Variants in PCDHA4 observed in about 807,000 individuals in gnomAD.
The protein encoded by PCDHA4 is protocadherin alpha 4.
PCDHA4 carries 49 observed loss-of-function variants against 61.4 expected under a neutral mutation model. The observed-to-expected ratio is 0.80, with a 90% CI of 0.63 to 1.01. The LOEUF is 1.01. Among genes scored for constraint, PCDHA4 ranks in the 50% least tolerant of loss-of-function variants. The pLI, the probability that PCDHA4 is intolerant of heterozygous loss-of-function variation, is 0.00. For missense variants in PCDHA4, 1,254 were observed against 1,235.8 expected (o/e 1.01, Z -0.22); for synonymous variants, 590 against 550.3 (o/e 1.07, Z -1.01).
chr5:140,999,922 C>T (rs2097883458), intron 3 of PCDHA4, among the ~76,000 whole-genome samples: 1 of 152,154 alleles, frequency 6.6e-6, no homozygotes, highest in Non-Finnish European at 1.5e-5. Context: ...AATCTTCTTC[C>T]AGCTCAACTC....
At chr5:140,877,189 G>A in intron 1 of PCDHA4, 1 of 1,613,808 alleles carries the variant, frequency 6.2e-7, no homozygotes, top group Non-Finnish European at 8.5e-7. Flanking sequence ...GGCTGGCAGC[G>A]CAGGAGGCGC....
At chr5:140,870,285 C>G (rs1315531348) in intron 1 of PCDHA4, 1 of 1,614,108 alleles carries the variant, frequency 6.2e-7, no homozygotes, top group Non-Finnish European at 8.5e-7. Flanking sequence ...ACGTTCCCTT[C>G]AAGCTGGTGT....
At chr5:140,855,106 T>C (rs1554147619) in intron 1 of PCDHA4, among the ~76,000 whole-genome samples, 1 of 149,974 alleles carries the variant, frequency 6.7e-6, no homozygotes, top group Non-Finnish European at 1.5e-5. Flanking sequence ...GTAGCAATAA[T>C]TAAGGCATTC....
At chr5:140,852,822 T>C in intron 1 of PCDHA4, 1 of 971,316 alleles carries the variant, frequency 1.0e-6, no homozygotes, top group East Asian at 1.1e-4. Flanking sequence ...CCCTAAGTCC[T>C]CCAGTCTCCT....
intron 1 of PCDHA4, among the ~76,000 whole-genome samples, chr5:140,909,546 A>T (rs1322878685): frequency 6.6e-6 from 1 of 152,180 alleles, no homozygotes; most frequent in African/African-American, 2.4e-5. Flanking sequence ...TGATGGTGGC[A>T]CTAATCTCTG....
chr5:140,928,228 C>A (rs376517088), intron 1 of PCDHA4: 2 of 1,614,218 alleles, frequency 1.2e-6, no homozygotes, highest in Admixed American at 1.7e-5. Context: ...ACCAAACTTT[C>A]CTCAACCCCA....
chr5:140,807,807 A>C lies in PCDHA4; in HGVS notation c.620A>C (p.Glu207Ala), dbSNP rs1262793743. 1.9e-6 allele frequency: 3 copies of C among 1,614,166 alleles called. No individual in the cohort carries two copies. The East Asian group carries it at 6.7e-5, about 36-fold the overall frequency. ...TCTTTAGACAGAGAAGAAGCTCCGGAGATTTTTTTAGTGCTCACAGCCACT... is the reference window on the plus strand; with the variant it reads ...TCTTTAGACAGAGAAGAAGCTCCGGCGATTTTTTTAGTGCTCACAGCCACT... Reference protein sequence around the residue: ...RKSLDREEAPEIFLVLTATDG... With the variant: ...RKSLDREEAPAIFLVLTATDG... The change falls in exon 1 of 4, where the codon GAG (glutamate) becomes GCG (alanine). Residue 207 changes from glutamate (E) to alanine (A), a missense_variant. By Grantham distance (107) the Glu-to-Ala change is moderately radical (BLOSUM62 -1). Coordinates refer to ENST00000530339, the MANE Select transcript of PCDHA4 (RefSeq NM_018907.4).
chr5:140,855,021 T>C (rs910000039), intron 1 of PCDHA4, among the ~76,000 whole-genome samples: 2 of 149,920 alleles, frequency 1.3e-5, no homozygotes, highest in African/African-American at 4.9e-5. Context: ...ATGAAACTTC[T>C]TGTATAAAGG....
chr5:140,843,138 G>A lies in PCDHA4; in HGVS notation c.2385+33566G>A. The stretch of plus-strand genomic sequence containing the variant: ...GACGCCGACTCGGGCTACAACGCGT[G>A]GCTTTCGTATGAGCTGCAGCCAGCT... On this transcript the variant is annotated intron_variant, in intron 1 of 3. Coordinates refer to ENST00000530339, the MANE Select transcript of PCDHA4 (RefSeq NM_018907.4). 1.3e-6 allele frequency: 2 copies of A among 1,596,034 alleles called. 1 individual carries two copies. The highest frequency in any genetic ancestry group is 1.7e-6 in the Non-Finnish European group (2 of 1,165,594).
Position 140,953,939 on chromosome 5 carries a change from A to G in PCDHA4, c.2386-25010A>G, listed in dbSNP as rs544318515. ...TATTCTTCCTGATGCTCTCCCTCCCATTGCTCCCCCAACAGGCCCCAGTGT... is the reference window on the plus strand; with the variant it reads ...TATTCTTCCTGATGCTCTCCCTCCCGTTGCTCCCCCAACAGGCCCCAGTGT... On this transcript the variant is annotated intron_variant, in intron 1 of 3. Coordinates refer to ENST00000530339, the MANE Select transcript of PCDHA4 (RefSeq NM_018907.4). Among the ~76,000 whole-genome samples the G allele has an allele frequency of 2.8e-3, 420 of 151,700 alleles. 4 individuals carry two copies. The highest frequency in any genetic ancestry group is 4.8e-3 in the Non-Finnish European group (324 of 67,900).
chr5:140,868,857 T>A (rs2050685848), intron 1 of PCDHA4: 1 of 499,740 alleles, frequency 2.0e-6, no homozygotes, highest in Admixed American at 3.8e-5. Context: ...TCTGTGGTGG[T>A]AAATGCAGTG....
intron 1 of PCDHA4, among the ~76,000 whole-genome samples, chr5:140,961,550 CT>C (rs571779587): frequency 6.6e-6 from 1 of 152,032 alleles, no homozygotes; most frequent in Admixed American, 6.6e-5. Context: ...TGCAGCATTT[CT>C]TTTTTTAAAT....
At chr5:140,823,457 C>T (rs1181395519) in intron 1 of PCDHA4, 4 of 1,613,302 alleles carry the variant, frequency 2.5e-6, no homozygotes, top group Non-Finnish European at 3.4e-6. Flanking sequence ...AACGACAACG[C>T]GCCGGCGCTG....
Position 140,808,630 on chromosome 5 carries a change from C to G in PCDHA4, c.1443C>G (p.Asp481Glu). 1 of 1,613,606 alleles carries G rather than the reference C, an allele frequency of 6.2e-7. No individual in the cohort carries two copies. Among genetic ancestry groups the G allele is most frequent in the Non-Finnish European group, 8.5e-7 (1 of 1,179,898 alleles). The change falls in exon 1 of 4, where the codon GAC becomes GAG. Residue 481 changes from aspartate to glutamate, a missense_variant. Physicochemically the swap from Asp to Glu is conservative, Grantham distance 45. Coordinates refer to ENST00000530339, the MANE Select transcript of PCDHA4 (RefSeq NM_018907.4). ...GCHIFTVSAWDADAQENALVS... is the reference protein window; with the variant it reads ...GCHIFTVSAWEADAQENALVS... ...ACATCTTCACTGTGTCTGCGTGGGA[C>G]GCGGACGCGCAGGAGAACGCGCTGG...
chr5:141,009,739 C>A lies in PCDHA4; in HGVS notation c.2646C>A (p.Pro882=), dbSNP rs370989006. Residue 882 remains proline, a synonymous_variant, in exon 4 of 4, where the codon CCC becomes CCA. Transcript: ENST00000530339. ...AACAATCCGGTCCCGGTGAGTTGCC[C>A]GACAAATTCATTATCCCAGGATCTC... ...NPKQSGPGEL[P]DKFIIPGSPA... 2 of 1,614,010 alleles carry A rather than the reference C, an allele frequency of 1.2e-6. No homozygotes were observed. Among genetic ancestry groups the A allele is most frequent in the Non-Finnish European group, 1.7e-6 (2 of 1,180,008 alleles).
chr5:140,843,455 G>C, intron 1 of PCDHA4: 1 of 1,596,110 alleles, frequency 6.3e-7, no homozygotes, highest in Non-Finnish European at 8.6e-7. Context: ...CAGCCTGCTG[G>C]TGCTCACGCT....
intron 1 of PCDHA4, chr5:140,827,999 G>T: frequency 6.7e-7 from 1 of 1,484,114 alleles, no homozygotes; most frequent in Non-Finnish European, 9.0e-7. Context: ...GATGGCGGAC[G>T]CAGAAGAAAT....
chr5:140,958,911 G>C (rs1458386566), intron 1 of PCDHA4, among the ~76,000 whole-genome samples: 3 of 151,406 alleles, frequency 2.0e-5, no homozygotes, highest in African/African-American at 7.3e-5. Flanking sequence ...AGAAAAGTCT[G>C]CCTGGGTGTG....
chr5:140,883,080 A>G, intron 1 of PCDHA4: 1 of 1,614,140 alleles, frequency 6.2e-7, no homozygotes, highest in Non-Finnish European at 8.5e-7. Flanking sequence ...GATCCTGATG[A>G]TGGTACAAAT....
Sources: gnomAD v4.1 joint callset for allele counts (sites outside exome capture counted in the v4.1 genomes callset) on GRCh38, gnomAD v4.1.1 for gene constraint, MANE v1.5 for transcripts, NCBI Gene and HGNC (gene_info 2026-07-23, HGNC 2026-07-21) for gene names.